CEP128: variants seen among roughly 807,000 people sequenced by gnomAD.
The protein encoded by CEP128 is centrosomal protein 128.
Under a neutral mutation model 156.7 loss-of-function variants are expected in CEP128, and 132 were observed. That is an observed-to-expected ratio of 0.84 (90% CI 0.73 to 0.97). The LOEUF (loss-of-function observed/expected upper bound fraction) is 0.97. Ranked by LOEUF, CEP128 falls within the 50% of genes least tolerant of loss-of-function variation. The pLI, the probability that CEP128 is intolerant of heterozygous loss-of-function variation, is 0.00. For missense variants in CEP128, 1,252 were observed against 1,281.9 expected (o/e 0.98, Z 0.36); for synonymous variants, 469 against 448.9 (o/e 1.04, Z -0.57).
intron 21 of CEP128, among the ~76,000 whole-genome samples, chr14:80,534,866 A>G (rs1306489961): frequency 2.6e-5 from 4 of 151,022 alleles, no homozygotes; most frequent in Admixed American, 6.6e-5. Context: ...GTTTATTTCA[A>G]TAATGTCACC....
At chr14:80,842,237 A>G (rs1329080270) in intron 9 of CEP128, among the ~76,000 whole-genome samples, 1 of 152,000 alleles carries the variant, frequency 6.6e-6, no homozygotes, top group Non-Finnish European at 1.5e-5. Context: ...ATTTTTGTCA[A>G]TGATAACTTA....
intron 2 of CEP128, among the ~76,000 whole-genome samples, chr14:80,932,855 G>A (rs1195008416): frequency 6.6e-6 from 1 of 152,036 alleles, no homozygotes; most frequent in Non-Finnish European, 1.5e-5. Context: ...TGCCAAAAAG[G>A]TTGGGGACCC....
chr14:80,909,779 T>C (rs759132945), intron 4 of CEP128, among the ~76,000 whole-genome samples: 3 of 152,116 alleles, frequency 2.0e-5, no homozygotes, highest in East Asian at 1.9e-4. Flanking sequence ...TGGAGCCAAT[T>C]TGATAACTCC....
chr14:80,938,155 C>A (rs1885924649), intron 2 of CEP128, among the ~76,000 whole-genome samples: 1 of 152,012 alleles, frequency 6.6e-6, no homozygotes, highest in South Asian at 2.1e-4. Context: ...GCCTTGGCCT[C>A]CCAAAGTGTG....
At position 80,616,539 on chromosome 14, in the gene CEP128, T is replaced by C. The variant is rs1481689029; in HGVS notation, c.2807-36116A>G. Among the ~76,000 whole-genome samples, 4 of 18,882 alleles carry C rather than the reference T, an allele frequency of 2.1e-4. No homozygotes were observed. The East Asian group carries it at 0.051, about 242-fold the overall frequency. The allele number at this position is 18,882 out of a possible 152,430, so 12.4% of individuals were successfully genotyped here. On this transcript the variant is annotated intron_variant, in intron 19 of 24. Transcript: ENST00000555265. ...CCAAATTCAACTGTTTTTTTTGATA[T>C]GTGAATTATTTTTTTAAATCAAGTG... is the stretch of plus-strand genomic sequence containing the variant.
At chr14:80,571,808 AAAAAG>A (rs1465010740) in intron 20 of CEP128, among the ~76,000 whole-genome samples, 3 of 132,818 alleles carry the variant, frequency 2.3e-5, no homozygotes, top group African/African-American at 9.4e-5. Flanking sequence ...CAGAACAAAA[AAAAAG>A]AAAGGTGAGG....
chr14:80,479,542 G>C lies in CEP128; in HGVS notation c.*311-1135C>G, dbSNP rs528269986. 2.0e-5 allele frequency among the ~76,000 whole-genome samples: 3 copies of C among 152,208 alleles called. No individual in the cohort carries two copies. In the South Asian group the frequency reaches 6.2e-4, roughly 32 times the overall value. ...TTATTCACTATCATGAGAATATCAC[G>C]GGAAAGATAGGCCCCCATGATTGAA... On this transcript the variant is annotated intron_variant and NMD_transcript_variant, in intron 14 of 14. Coordinates refer to the CEP128 transcript ENST00000554502.
chr14:80,700,088 C>T (rs1050424919), intron 19 of CEP128, among the ~76,000 whole-genome samples: 2 of 152,094 alleles, frequency 1.3e-5, no homozygotes, highest in African/African-American at 2.4e-5. Context: ...CTTGGGTATA[C>T]GTGGCTTTAT....
At chr14:80,628,279 A>G (rs1217415446) in intron 19 of CEP128, among the ~76,000 whole-genome samples, 1 of 152,190 alleles carries the variant, frequency 6.6e-6, no homozygotes, top group Non-Finnish European at 1.5e-5. Context: ...TCTTAGAAAC[A>G]TCCCATATAG....
chr14:80,598,782 T>C (rs538264031), intron 19 of CEP128, among the ~76,000 whole-genome samples: 10 of 152,188 alleles, frequency 6.6e-5, no homozygotes, highest in Non-Finnish European at 1.0e-4. Context: ...CATAGCTCAA[T>C]AGAACAGAAT....
intron 14 of CEP128, among the ~76,000 whole-genome samples, chr14:80,786,657 C>T (rs749988093): frequency 2.0e-5 from 3 of 152,216 alleles, no homozygotes; most frequent in Admixed American, 6.5e-5. Context: ...TCTATGGCCT[C>T]GGGGAAATCA....
intron 13 of CEP128, among the ~76,000 whole-genome samples, chr14:80,804,590 G>A (rs1321854421): frequency 1.3e-5 from 2 of 152,030 alleles, no homozygotes; most frequent in East Asian, 1.9e-4. Flanking sequence ...TATAAACGCT[G>A]CATCTAAATG....
At chr14:80,796,597 T>G (rs1883499243) in intron 13 of CEP128, among the ~76,000 whole-genome samples, 1 of 152,222 alleles carries the variant, frequency 6.6e-6, no homozygotes, top group Non-Finnish European at 1.5e-5. Flanking sequence ...TTATTCTTCT[T>G]CTTTCATAAT....
intron 20 of CEP128, among the ~76,000 whole-genome samples, chr14:80,573,567 T>C (rs1288408949): frequency 6.6e-6 from 1 of 152,016 alleles, no homozygotes; most frequent in Non-Finnish European, 1.5e-5. Context: ...TTGGGATTAA[T>C]ATTAAGTTGC....
intron 13 of CEP128, among the ~76,000 whole-genome samples, chr14:80,825,329 G>A (rs1034374851): frequency 6.6e-6 from 1 of 152,166 alleles, no homozygotes; most frequent in Non-Finnish European, 1.5e-5. Context: ...GGCTGGTCTT[G>A]AACTTCTAAG....
At chr14:80,866,939 C>T (rs1259416623) in intron 8 of CEP128, among the ~76,000 whole-genome samples, 4 of 152,168 alleles carry the variant, frequency 2.6e-5, no homozygotes, top group Admixed American at 2.6e-4. Flanking sequence ...AGTATCAAAC[C>T]CTATATATAC....
intron 2 of CEP128, among the ~76,000 whole-genome samples, chr14:80,938,502 C>T (rs1442440713): frequency 6.6e-6 from 1 of 152,098 alleles, no homozygotes; most frequent in Admixed American, 6.5e-5. Flanking sequence ...CTGCCTCGGC[C>T]TCCTAAAGTA....
chr14:80,591,090 C>T (rs1892041848), intron 19 of CEP128, among the ~76,000 whole-genome samples: 3 of 152,282 alleles, frequency 2.0e-5, no homozygotes, highest in South Asian at 4.1e-4. Context: ...TAGGAAGAAA[C>T]TGCATCAACT....
intron 2 of CEP128, among the ~76,000 whole-genome samples, chr14:80,928,619 T>G (rs933884786): frequency 1.3e-5 from 2 of 151,946 alleles, no homozygotes; most frequent in African/African-American, 2.4e-5. Flanking sequence ...TGAATAGATA[T>G]GAAGAAAATC....
Sources: allele counts gnomAD v4.1 joint callset (sites outside exome capture counted in the v4.1 genomes callset), GRCh38; gene constraint gnomAD v4.1.1; transcripts MANE v1.5; gene names NCBI Gene and HGNC (gene_info 2026-07-23, HGNC 2026-07-21).